The following GOLGA7 variants were observed in gnomAD, a reference collection of about 807,000 sequenced individuals.
The protein encoded by GOLGA7 is golgin A7, also known as golgin subfamily A member 7.
In GOLGA7, 10 loss-of-function variants were observed where a neutral mutation model predicts 21.1. The ratio of observed to expected loss-of-function variants is 0.47; its 90% confidence interval spans 0.29 to 0.80. GOLGA7 has a LOEUF of 0.80. Ranked by LOEUF, GOLGA7 falls within the 30% of genes least tolerant of loss-of-function variation. The pLI is 0.08. For synonymous variants in GOLGA7, 64 were observed against 62.6 expected, an observed-to-expected ratio of 1.02 and a Z score of -0.10; for missense variants, 114 against 166.8, an observed-to-expected ratio of 0.68 and a Z score of 1.74.
At chr8:41,508,349 A>C (rs1413012972) in intron 4 of GOLGA7, among the ~76,000 whole-genome samples, 1 of 152,246 alleles carries the variant, frequency 6.6e-6, no homozygotes, top group Non-Finnish European at 1.5e-5. Context: ...CTTCTTTAGC[A>C]CTAGTGAATG....
chr8:41,500,962 A>G (rs928690616), intron 2 of GOLGA7, among the ~76,000 whole-genome samples: 1 of 152,238 alleles, frequency 6.6e-6, no homozygotes, highest in African/African-American at 2.4e-5. Flanking sequence ...AAACTTTATC[A>G]TCTGGAATGA....
At chr8:41,501,099 G>A (rs942521603) in intron 2 of GOLGA7, among the ~76,000 whole-genome samples, 1 of 152,098 alleles carries the variant, frequency 6.6e-6, no homozygotes, top group Non-Finnish European at 1.5e-5. Context: ...AATTTTAATT[G>A]TATTTGTCAA....
intron 1 of GOLGA7, among the ~76,000 whole-genome samples, chr8:41,496,151 T>G (rs1347961856): frequency 6.6e-6 from 1 of 152,222 alleles, no homozygotes; most frequent in South Asian, 2.1e-4. Context: ...TAAATGACTT[T>G]ATGAGACAAA....
Position 41,502,728 on chromosome 8 carries a change from G to A in GOLGA7, c.265-3183G>A, listed in dbSNP as rs1052262621. ...GGCCATTTTTCTTGAAGGTCTGGAA[G>A]GCTTTCTCCAGTTGAATATCCTCAG... is the stretch of plus-strand genomic sequence containing the variant. On this transcript the variant is annotated intron_variant, in intron 2 of 4. Transcript: ENST00000357743. 4 of 152,300 alleles carry A rather than the reference G, an allele frequency of 2.6e-5. 1 individual carries two copies. The highest frequency in any genetic ancestry group is 9.6e-5 in the African/African-American group (4 of 41,562). The allele number at this position is 152,300 out of a possible 1,614,324, so 9.4% of individuals were successfully genotyped here.
intron 1 of GOLGA7, among the ~76,000 whole-genome samples, chr8:41,494,364 A>G (rs1228111036): frequency 1.3e-5 from 2 of 152,230 alleles, no homozygotes; most frequent in Non-Finnish European, 2.9e-5. Flanking sequence ...TAATTCTGAT[A>G]TGAAAGAAAT....
intron 2 of GOLGA7, among the ~76,000 whole-genome samples, chr8:41,501,979 G>T (rs976743975): frequency 6.6e-6 from 1 of 152,086 alleles, no homozygotes; most frequent in African/African-American, 2.4e-5. Context: ...TCTAAGCAAG[G>T]CCCCTTTCTT....
intron 4 of GOLGA7, among the ~76,000 whole-genome samples, chr8:41,507,700 T>C (rs2150447811): frequency 6.6e-6 from 1 of 152,282 alleles, no homozygotes; most frequent in Non-Finnish European, 1.5e-5. Flanking sequence ...AGAAACAAAT[T>C]AATACTACTA....
At chr8:41,503,133 T>C (rs1420766548) in intron 2 of GOLGA7, among the ~76,000 whole-genome samples, 1 of 152,076 alleles carries the variant, frequency 6.6e-6, no homozygotes, top group East Asian at 1.9e-4. Flanking sequence ...ATTTAGAGCT[T>C]ATACAAAAAG....
chr8:41,494,620 G>A (rs1805962637), intron 1 of GOLGA7, among the ~76,000 whole-genome samples: 1 of 152,152 alleles, frequency 6.6e-6, no homozygotes, highest in Non-Finnish European at 1.5e-5. Flanking sequence ...TTTCCCAGAT[G>A]ACCAGCCTTG....
intron 1 of GOLGA7, among the ~76,000 whole-genome samples, chr8:41,493,291 TTGCTC>T (rs1340989081): frequency 5.9e-5 from 9 of 152,214 alleles, no homozygotes; most frequent in African/African-American, 1.9e-4. Context: ...ATTTTACTGA[TTGCTC>T]TGCTATTGGA....
chr8:41,496,804 C>CTTTTTTTT (rs34657481), intron 1 of GOLGA7, among the ~76,000 whole-genome samples: 9 of 91,648 alleles, frequency 9.8e-5, no homozygotes, highest in Admixed American at 1.6e-4. Flanking sequence ...CAGTTTATTG[C>CTTTTTTTT]TTTTTTTTTT....
At chr8:41,501,722 A>G (rs934683666) in intron 2 of GOLGA7, among the ~76,000 whole-genome samples, 5 of 152,214 alleles carry the variant, frequency 3.3e-5, no homozygotes, top group Non-Finnish European at 5.9e-5. Context: ...GAAGTTACCT[A>G]TGTAAGTTTT....
Position 41,490,727 on chromosome 8 carries a change from C to T in GOLGA7, c.-128C>T. ...GTGAAGGGGAGCGGGGCAGAGGAGG[C>T]CTTGGGCTGTTTTCGGCGGCGGGTG... On this transcript the variant is annotated 5_prime_UTR_variant, in exon 1 of 5. Coordinates refer to ENST00000357743, the MANE Select transcript of GOLGA7 (RefSeq NM_001002296.2). 3.1e-6 allele frequency: 2 copies of T among 635,564 alleles called. No homozygotes were observed. Among genetic ancestry groups the T allele is most frequent in the Non-Finnish European group, 2.9e-6 (1 of 350,840 alleles). The allele number at this position is 635,564 out of a possible 1,614,324, so 39.4% of individuals were successfully genotyped here.
intron 3 of GOLGA7, 55 bp downstream of exon 3, chr8:41,506,067 A>G: frequency 1.1e-6 from 1 of 927,102 alleles, no homozygotes; most frequent in East Asian, 2.5e-5. Flanking sequence ...GAAAATGTTG[A>G]TATTGTTTGG....
At chr8:41,492,740 C>T (rs567941490) in intron 1 of GOLGA7, among the ~76,000 whole-genome samples, 1 of 152,336 alleles carries the variant, frequency 6.6e-6, no homozygotes, top group African/African-American at 2.4e-5. Context: ...GAAACTATGA[C>T]ATACAATTTA....
intron 2 of GOLGA7, among the ~76,000 whole-genome samples, chr8:41,504,666 G>A (rs540469281): frequency 2.0e-5 from 3 of 152,114 alleles, no homozygotes; most frequent in East Asian, 1.9e-4. Context: ...ATAATCTTAC[G>A]CTCTTTTGAA....
chr8:41,503,752 G>C (rs1806206922), intron 2 of GOLGA7, among the ~76,000 whole-genome samples: 3 of 121,698 alleles, frequency 2.5e-5, no homozygotes, highest in Admixed American at 9.1e-5. Context: ...TGAGGGCTCT[G>C]TTCTGTTCCA....
At chr8:41,505,358 A>G (rs77984864) in intron 2 of GOLGA7, among the ~76,000 whole-genome samples, 6,920 of 152,308 alleles carry the variant, frequency 0.045, 302 homozygotes, top group East Asian at 0.22. Flanking sequence ...TAATGCCCAC[A>G]TGCTCTACAA....
intron 4 of GOLGA7, 70 bp downstream of exon 4, chr8:41,507,191 G>C: frequency 2.7e-6 from 2 of 753,162 alleles, no homozygotes; most frequent in Non-Finnish European, 4.9e-6. Flanking sequence ...ATTCTTCCCC[G>C]CATGGTAAAT....
Sources: allele counts gnomAD v4.1 joint callset (sites outside exome capture counted in the v4.1 genomes callset), GRCh38; gene constraint gnomAD v4.1.1; transcripts MANE v1.5; gene names NCBI Gene and HGNC (gene_info 2026-07-23, HGNC 2026-07-21).